The following ZNF804B variants were observed in gnomAD, a reference collection of about 807,000 sequenced individuals.
ZNF804B encodes zinc finger protein 804B.
A neutral mutation model predicts 101.4 loss-of-function variants in ZNF804B; 80 were observed. The observed-to-expected ratio is 0.79, with a 90% CI of 0.66 to 0.95. ZNF804B has a LOEUF of 0.95. Ranked by LOEUF, ZNF804B falls within the 40% of genes least tolerant of loss-of-function variation. The pLI is 0.00. For missense variants in ZNF804B, 1,673 were observed against 1,561.9 expected (o/e 1.07, Z -1.20); for synonymous variants, 622 against 558.8 (o/e 1.11, Z -1.59).
intron 1 of ZNF804B, among the ~76,000 whole-genome samples, chr7:89,162,241 A>G (rs778448215): frequency 9.9e-5 from 15 of 152,146 alleles, no homozygotes; most frequent in Non-Finnish European, 2.1e-4. Context: ...TTTTTTAAAA[A>G]CATTCAATTC....
In ZNF804B at chr7:88,834,665, C is replaced by CTATA. The variant is rs35443011; in HGVS notation, c.108+74591_108+74594dup. ...ACGCTCACTTTGTGTATATATTTTA[C>CTATA]TATATATATATATTATATCCCAATA... On this transcript the variant is annotated intron_variant, in intron 1 of 3. Transcript: ENST00000333190. 4.7e-4 allele frequency among the ~76,000 whole-genome samples: 70 copies of CTATA among 149,246 alleles called. 1 individual carries two copies. Among genetic ancestry groups the CTATA allele is most frequent in the South Asian group, 2.9e-3 (14 of 4,772 alleles).
chr7:89,125,133 C>T (rs1790460473), intron 1 of ZNF804B, among the ~76,000 whole-genome samples: 1 of 150,640 alleles, frequency 6.6e-6, no homozygotes, highest in Admixed American at 6.6e-5. Flanking sequence ...ATCTCTTCAG[C>T]TTAAGGGGGT....
intron 1 of ZNF804B, among the ~76,000 whole-genome samples, chr7:89,082,064 A>G (rs944080312): frequency 6.6e-6 from 1 of 151,786 alleles, no homozygotes; most frequent in Admixed American, 6.6e-5. Flanking sequence ...AACTTAAGTT[A>G]TATCAATAGT....
chr7:89,124,579 T>G (rs1200181876), intron 1 of ZNF804B, among the ~76,000 whole-genome samples: 2 of 152,166 alleles, frequency 1.3e-5, no homozygotes, highest in Admixed American at 6.6e-5. Flanking sequence ...CATTTATAAC[T>G]GAGAACATTG....
intron 1 of ZNF804B, among the ~76,000 whole-genome samples, chr7:88,832,022 AT>A (rs1271847322): frequency 6.6e-6 from 1 of 151,806 alleles, no homozygotes; most frequent in Non-Finnish European, 1.5e-5. Context: ...TAATTCCTTT[AT>A]TTTTATTTTA....
intron 1 of ZNF804B, among the ~76,000 whole-genome samples, chr7:89,030,872 T>C (rs1788820965): frequency 6.6e-6 from 1 of 152,122 alleles, no homozygotes; most frequent in Admixed American, 6.6e-5. Flanking sequence ...GCTATAGTGG[T>C]AGCTGCTAAA....
chr7:88,964,368 A>G (rs1403090448), intron 1 of ZNF804B, among the ~76,000 whole-genome samples: 2 of 151,540 alleles, frequency 1.3e-5, no homozygotes, highest in African/African-American at 4.8e-5. Flanking sequence ...ATTCTGATCT[A>G]TAATACAACA....
At chr7:88,946,124 A>G (rs1232335729) in intron 1 of ZNF804B, among the ~76,000 whole-genome samples, 2 of 152,048 alleles carry the variant, frequency 1.3e-5, no homozygotes, top group African/African-American at 2.4e-5. Context: ...TTCCAATGCT[A>G]TGTTGAATAG....
intron 1 of ZNF804B, among the ~76,000 whole-genome samples, chr7:88,991,128 T>C (rs1302922955): frequency 5.3e-5 from 8 of 152,168 alleles, no homozygotes; most frequent in South Asian, 4.1e-4. Context: ...CTACTACTTT[T>C]AGGTACAGAG....
intron 2 of ZNF804B, among the ~76,000 whole-genome samples, chr7:89,275,463 G>T (rs1208854): frequency 0.25 from 37,462 of 151,642 alleles, 4,986 homozygotes; most frequent in Non-Finnish European, 0.27. Flanking sequence ...ATAATGATCT[G>T]GTGCTTCCTG....
intron 2 of ZNF804B, among the ~76,000 whole-genome samples, chr7:89,292,358 A>G (rs1466156021): frequency 2.0e-5 from 3 of 152,142 alleles, no homozygotes; most frequent in Non-Finnish European, 4.4e-5. Context: ...TTCAAGACAT[A>G]GTACAATAAG....
intron 1 of ZNF804B, among the ~76,000 whole-genome samples, chr7:89,175,982 A>G (rs963592566): frequency 1.3e-5 from 2 of 151,986 alleles, no homozygotes; most frequent in African/African-American, 4.8e-5. Context: ...TTTTTCCCAA[A>G]TATAAGATCA....
rs576213186 is a variant in ZNF804B, at chr7:89,009,386, T to A, written c.109-208769T>A. 3.3e-5 allele frequency among the ~76,000 whole-genome samples: 5 copies of A among 152,326 alleles called. No individual in the cohort carries two copies. In the East Asian group the frequency reaches 9.6e-4, roughly 29 times the overall value. On this transcript the variant is annotated intron_variant, in intron 1 of 3. Coordinates refer to ENST00000333190, the MANE Select transcript of ZNF804B (RefSeq NM_181646.5). ...AATCTTCTCAATTTCAATCACATAA[T>A]TCCATTTGCTCACAAGATAAATATT...
intron 2 of ZNF804B, among the ~76,000 whole-genome samples, chr7:89,323,709 C>A (rs1790854897): frequency 1.3e-5 from 2 of 152,108 alleles, no homozygotes; most frequent in South Asian, 4.1e-4. Flanking sequence ...AGCAGATTCA[C>A]TCTTTACCAC....
intron 1 of ZNF804B, among the ~76,000 whole-genome samples, chr7:89,177,663 A>C (rs1347865843): frequency 1.3e-5 from 2 of 152,120 alleles, no homozygotes; most frequent in African/African-American, 4.8e-5. Flanking sequence ...TTCTTTGTTG[A>C]TTATCTGTCT....
intron 1 of ZNF804B, among the ~76,000 whole-genome samples, chr7:89,170,555 C>A (rs35274329): frequency 0.21 from 31,194 of 152,012 alleles, 3,399 homozygotes; most frequent in Middle Eastern, 0.39. Context: ...GACAGTCTAC[C>A]CCCTTCAGTA....
intron 1 of ZNF804B, among the ~76,000 whole-genome samples, chr7:88,976,874 T>C (rs1002433680): frequency 1.3e-5 from 2 of 151,680 alleles, no homozygotes; most frequent in Non-Finnish European, 3.0e-5. Flanking sequence ...AGTGGGTCTG[T>C]GGTACATGGC....
chr7:88,971,946 CA>C (rs1200168520), intron 1 of ZNF804B, among the ~76,000 whole-genome samples: 1 of 151,376 alleles, frequency 6.6e-6, no homozygotes, highest in Non-Finnish European at 1.5e-5. Flanking sequence ...ACCGCTTTTC[CA>C]GTTTACCAGA....
intron 1 of ZNF804B, among the ~76,000 whole-genome samples, chr7:88,808,119 C>T (rs187720645): frequency 3.3e-5 from 5 of 152,164 alleles, no homozygotes; most frequent in South Asian, 2.1e-4. Context: ...AGGCCAGGCA[C>T]GGTGGCTCAT....
Sources: gnomAD v4.1 joint callset for allele counts (sites outside exome capture counted in the v4.1 genomes callset) on GRCh38, gnomAD v4.1.1 for gene constraint, MANE v1.5 for transcripts, NCBI Gene and HGNC (gene_info 2026-07-23, HGNC 2026-07-21) for gene names.